Variants in PRMT3 observed in about 807,000 individuals in gnomAD.
PRMT3 encodes the protein protein arginine N-methyltransferase 3.
In PRMT3, 62 loss-of-function variants were observed where a neutral mutation model predicts 71.9. That is an observed-to-expected ratio of 0.86 (90% confidence interval 0.70 to 1.07). The LOEUF is 1.07. Ranked by LOEUF, PRMT3 falls within the 50% of genes least tolerant of loss-of-function variation. The pLI is 0.00. For synonymous variants in PRMT3, 213 were observed against 220.4 expected, an observed-to-expected ratio of 0.97 and a Z score of 0.30; for missense variants, 663 against 643.0, an observed-to-expected ratio of 1.03 and a Z score of -0.34.
At chr11:20,439,700 G>A (rs1189132001) in intron 10 of PRMT3, among the ~76,000 whole-genome samples, 2 of 152,166 alleles carry the variant, frequency 1.3e-5, no homozygotes, top group East Asian at 1.9e-4. Context: ...ACATTGTAAA[G>A]ATGTCAATTC....
intron 7 of PRMT3, among the ~76,000 whole-genome samples, chr11:20,398,620 T>C (rs937029732): frequency 6.6e-6 from 1 of 152,148 alleles, no homozygotes; most frequent in Non-Finnish European, 1.5e-5. Context: ...GCCTGGCTAA[T>C]TTTTTGTATT....
At chr11:20,421,812 A>G (rs1326673502) in intron 9 of PRMT3, among the ~76,000 whole-genome samples, 2 of 152,174 alleles carry the variant, frequency 1.3e-5, no homozygotes, top group Non-Finnish European at 2.9e-5. Flanking sequence ...TCAATGAGAT[A>G]GTGCCTCCTG....
At chr11:20,486,875 G>A (rs922439716) in intron 13 of PRMT3, among the ~76,000 whole-genome samples, 7 of 151,932 alleles carry the variant, frequency 4.6e-5, no homozygotes, top group South Asian at 2.1e-4. Flanking sequence ...TGGCCAACAC[G>A]GTGAAACCTC....
At chr11:20,398,995 T>G (rs1237004856) in intron 7 of PRMT3, among the ~76,000 whole-genome samples, 1 of 152,236 alleles carries the variant, frequency 6.6e-6, no homozygotes, top group Non-Finnish European at 1.5e-5. Context: ...ACTTGATAAT[T>G]ATACATTTTA....
At chr11:20,434,925 A>G (rs1294664764) in intron 10 of PRMT3, among the ~76,000 whole-genome samples, 5 of 152,322 alleles carry the variant, frequency 3.3e-5, no homozygotes, top group African/African-American at 1.2e-4. Flanking sequence ...GAAGAATGTC[A>G]TTGGTAGTTT....
chr11:20,493,187 G>GT (rs1851250343), intron 13 of PRMT3, among the ~76,000 whole-genome samples: 1 of 151,784 alleles, frequency 6.6e-6, no homozygotes. Context: ...TCACTTTGGA[G>GT]TTTCTCCTTT....
chr11:20,446,141 ATTCCAAAGTACTGTACTT>A lies in PRMT3; in HGVS notation c.994-5975_994-5958del, dbSNP rs1205529451. On this transcript the variant is annotated intron_variant, in intron 10 of 15. Transcript: ENST00000331079. Reference sequence around the variant, plus strand: ...CAGGGTGTGCTGCTCTTACATGTTAATTCCAAAGTACTGTACTTTTCCAAAGTACTGCAGTAAAATTTT... The same window carrying A: ...CAGGGTGTGCTGCTCTTACATGTTAATTCCAAAGTACTGCAGTAAAATTTT... Among the ~76,000 whole-genome samples the A allele has an allele frequency of 1.8e-4, 27 of 152,050 alleles. No individual in the cohort carries two copies. The South Asian group carries it at 2.1e-3, about 12-fold the overall frequency.
chr11:20,485,186 A>G (rs1160199991), intron 13 of PRMT3, among the ~76,000 whole-genome samples: 2 of 152,218 alleles, frequency 1.3e-5, no homozygotes, highest in Non-Finnish European at 2.9e-5. Context: ...TCAAACCCTG[A>G]TATTAGATTA....
chr11:20,462,186 T>G lies in PRMT3; in HGVS notation c.1260+19T>G, dbSNP rs779446239. 6.5e-7 allele frequency: 1 copy of G among 1,529,340 alleles called. No homozygotes were observed. Among genetic ancestry groups the G allele is most frequent in the East Asian group, 2.3e-5 (1 of 43,812 alleles). The allele number at this position is 1,529,340 out of a possible 1,614,324, so 94.7% of individuals were successfully genotyped here. A position where few individuals can be genotyped will look rare whatever the true frequency, so the allele number is the denominator to read the frequency against. On this transcript the variant is annotated intron_variant, in intron 12 of 15. Coordinates refer to ENST00000331079, the MANE Select transcript of PRMT3 (RefSeq NM_005788.4). ...TATTAAGGTAGGTGTTTTACCAACT[T>G]TATTTTTTATAATGGTATTGCTATT... is the stretch of plus-strand genomic sequence containing the variant.
intron 15 of PRMT3, among the ~76,000 whole-genome samples, chr11:20,502,651 G>T (rs1431746525): frequency 1.3e-5 from 2 of 152,122 alleles, no homozygotes; most frequent in African/African-American, 4.8e-5. Flanking sequence ...AAATGAAGAT[G>T]ATAACCAGAT....
chr11:20,459,623 C>T (rs914732070), intron 11 of PRMT3, among the ~76,000 whole-genome samples: 3 of 152,076 alleles, frequency 2.0e-5, no homozygotes, highest in Non-Finnish European at 4.4e-5. Flanking sequence ...CTGACTATAC[C>T]CTTATTATGT....
At chr11:20,459,136 T>A (rs1269553462) in intron 11 of PRMT3, among the ~76,000 whole-genome samples, 1 of 152,194 alleles carries the variant, frequency 6.6e-6, no homozygotes. Context: ...AGCTAAACTT[T>A]ATATATTAAT....
At chr11:20,506,770 C>G (rs1565244616) in intron 15 of PRMT3, among the ~76,000 whole-genome samples, 3 of 152,062 alleles carry the variant, frequency 2.0e-5, no homozygotes, top group African/African-American at 7.2e-5. Context: ...TTGGTGTTAT[C>G]TTAATATTAT....
intron 13 of PRMT3, among the ~76,000 whole-genome samples, chr11:20,471,757 T>C (rs1850650039): frequency 6.6e-6 from 1 of 152,224 alleles, no homozygotes; most frequent in Non-Finnish European, 1.5e-5. Flanking sequence ...GGTAGTTTAA[T>C]GGGAATAGCA....
At chr11:20,417,991 C>T (rs1363678402) in intron 9 of PRMT3, among the ~76,000 whole-genome samples, 1 of 152,164 alleles carries the variant, frequency 6.6e-6, no homozygotes, top group Non-Finnish European at 1.5e-5. Flanking sequence ...TGGACTGTGT[C>T]TTTTATCTCT....
chr11:20,402,636 C>T (rs1033979883), intron 7 of PRMT3, among the ~76,000 whole-genome samples: 3 of 152,118 alleles, frequency 2.0e-5, no homozygotes, highest in Non-Finnish European at 4.4e-5. Flanking sequence ...CTTTAATTAT[C>T]ACTCTAAGTC....
Position 20,493,898 on chromosome 11 carries a change from ATTTC to A in PRMT3, c.1348-17_1348-14del, listed in dbSNP as rs751092299. On this transcript the variant is annotated splice_polypyrimidine_tract_variant and intron_variant, in intron 13 of 15. Coordinates refer to ENST00000331079, the MANE Select transcript of PRMT3 (RefSeq NM_005788.4). The stretch of plus-strand genomic sequence containing the variant: ...TGTAATTCATTTAGTAAGCATTTAT[ATTTC>A]TTTTTTTAAAAAACAGGCAATTGCT... 8.8e-5 allele frequency: 132 copies of A among 1,498,318 alleles called. No homozygotes were observed. The highest frequency in any genetic ancestry group is 1.2e-4 in the Non-Finnish European group (128 of 1,085,636). 92.8% of individuals were successfully genotyped at this position (1,498,318 alleles called of 1,614,324 possible).
At chr11:20,492,965 A>G (rs1447186991) in intron 13 of PRMT3, among the ~76,000 whole-genome samples, 5 of 151,942 alleles carry the variant, frequency 3.3e-5, no homozygotes, top group African/African-American at 9.7e-5. Context: ...TGCCTGACCA[A>G]CACGGTGAAA....
At chr11:20,499,348 G>A (rs763069755) in intron 15 of PRMT3, among the ~76,000 whole-genome samples, 17 of 152,332 alleles carry the variant, frequency 1.1e-4, no homozygotes, top group East Asian at 5.8e-4. Context: ...GGGGCCAGGC[G>A]TGGTGGTTCA....
Sources: allele counts gnomAD v4.1 joint callset (sites outside exome capture counted in the v4.1 genomes callset), GRCh38; gene constraint gnomAD v4.1.1; transcripts MANE v1.5; gene names NCBI Gene and HGNC (gene_info 2026-07-23, HGNC 2026-07-21).